Variants in CDKL4 observed in about 807,000 individuals in gnomAD.
The protein encoded by CDKL4 is cyclin dependent kinase like 4, also known as cyclin-dependent kinase-like 4.
A neutral mutation model predicts 42.0 loss-of-function variants in CDKL4; 44 were observed. That is an observed-to-expected ratio of 1.05 (90% confidence interval 0.82 to 1.35). CDKL4 has a LOEUF of 1.35. Among genes scored for constraint, CDKL4 ranks in the 40% most tolerant of loss-of-function variants. The probability of loss-of-function intolerance (pLI) is 0.00; values close to 1 mark genes in which losing one functional copy is unlikely to be tolerated. For missense variants in CDKL4, 393 were observed against 369.9 expected (o/e 1.06, Z -0.51); for synonymous variants, 120 against 121.6 (o/e 0.99, Z 0.09).
chr2:39,242,146 A>G (rs1022546329), intron 1 of CDKL4, among the ~76,000 whole-genome samples: 1 of 150,956 alleles, frequency 6.6e-6, no homozygotes, highest in Non-Finnish European at 1.5e-5. Flanking sequence ...GCTGGGCTTG[A>G]GCAATTCTCC....
At chr2:39,175,089 T>C (rs1411726995), downstream of CDKL4, among the ~76,000 whole-genome samples, 1 of 152,190 alleles carries the variant, frequency 6.6e-6, no homozygotes, top group African/African-American at 2.4e-5. Context: ...AAAGATAATC[T>C]TCCTGCTCTT....
chr2:39,244,480 C>G (rs1380121556), upstream of CDKL4, among the ~76,000 whole-genome samples: 1 of 152,236 alleles, frequency 6.6e-6, no homozygotes, highest in South Asian at 2.1e-4. Context: ...GCGCTGCGCT[C>G]GATTTCTCAC....
At chr2:39,182,683 T>A (rs1013320235) in intron 8 of CDKL4, among the ~76,000 whole-genome samples, 5 of 152,224 alleles carry the variant, frequency 3.3e-5, no homozygotes, top group African/African-American at 1.2e-4. Flanking sequence ...GAAAACGCTC[T>A]GATAAAATTT....
chr2:39,190,372 C>G lies in CDKL4; in HGVS notation c.585G>C (p.Leu195=), dbSNP rs1341102846. Reference sequence around the variant, plus strand: ...TTCCAGGCCACAGTGGCTGGCCTGTCAGGAGCTCTGCAAAAACACAACCAA... The same window carrying G: ...TTCCAGGCCACAGTGGCTGGCCTGTGAGGAGCTCTGCAAAAACACAACCAA... The change falls in exon 6 of 10, where the codon CTG becomes CTC. Residue 195 remains leucine, a synonymous_variant. Coordinates refer to ENST00000451199, the Ensembl canonical transcript of CDKL4. 5 of 1,614,178 alleles carry G rather than the reference C, an allele frequency of 3.1e-6. No homozygotes were observed. The East Asian group carries it at 8.9e-5, about 29-fold the overall frequency.
rs1210295781 is a variant in CDKL4 at position 39,184,573 on chromosome 2, T to C, written c.792+18A>G. 3.8e-6 allele frequency: 6 copies of C among 1,585,688 alleles called. No individual in the cohort carries two copies. Among genetic ancestry groups the C allele is most frequent in the Non-Finnish European group, 5.2e-6 (6 of 1,156,206 alleles). On this transcript the variant is annotated intron_variant, in intron 8 of 9. Transcript: ENST00000451199. ...TACAATTTATAGCTAATAAGAGTTA[T>C]AATTGATTCTTAAGTACCTTCATGA...
chr2:39,177,402 A>C (rs1675209625), intron 9 of CDKL4, among the ~76,000 whole-genome samples: 1 of 141,816 alleles, frequency 7.1e-6, no homozygotes, highest in Admixed American at 7.0e-5. Context: ...GAATCCAGTG[A>C]GTTTTTTTTT....
chr2:39,211,338 T>C (rs1677575352), intron 4 of CDKL4, among the ~76,000 whole-genome samples: 1 of 152,050 alleles, frequency 6.6e-6, no homozygotes, highest in South Asian at 2.1e-4. Flanking sequence ...AAGGGTGCTA[T>C]GATAACACCA....
intron 5 of CDKL4, among the ~76,000 whole-genome samples, chr2:39,194,990 T>G (rs1208119307): frequency 6.6e-6 from 1 of 152,154 alleles, no homozygotes; most frequent in African/African-American, 2.4e-5. Flanking sequence ...CCCCCAGCCC[T>G]GATAACCACT....
intron 9 of CDKL4, among the ~76,000 whole-genome samples, chr2:39,176,324 A>G (rs1054617606): frequency 3.9e-5 from 6 of 152,190 alleles, no homozygotes; most frequent in Non-Finnish European, 7.3e-5. Context: ...ACTACTATTT[A>G]TTTCAGTACA....
chr2:39,235,780 T>C (rs528923878), intron 1 of CDKL4, among the ~76,000 whole-genome samples: 7 of 151,504 alleles, frequency 4.6e-5, no homozygotes, highest in Admixed American at 6.6e-5. Context: ...ACAACCACAA[T>C]AACAAACACC....
Position 39,185,292 on chromosome 2 carries a change from A to G in CDKL4, c.736-645T>C, listed in dbSNP as rs979763528. Among the ~76,000 whole-genome samples, 9 of 27,516 alleles carry G rather than the reference A, an allele frequency of 3.3e-4. No homozygotes were observed. The East Asian group carries it at 5.8e-3, about 18-fold the overall frequency. 18.1% of individuals were successfully genotyped at this position (27,516 alleles called of 152,430 possible). A position where few individuals can be genotyped will look rare whatever the true frequency, so the allele number is the denominator to read the frequency against. On this transcript the variant is annotated intron_variant, in intron 7 of 9. Transcript: ENST00000451199. ...TATATATACACATATGTATATATAC[A>G]TATATATACACATATGTATATATAC...
At chr2:39,172,591 C>CT (rs941651442), downstream of CDKL4, among the ~76,000 whole-genome samples, 1 of 151,846 alleles carries the variant, frequency 6.6e-6, no homozygotes, top group African/African-American at 2.4e-5. Context: ...TCTTTTCTTT[C>CT]TTTTTTTTGA....
intron 3 of CDKL4, among the ~76,000 whole-genome samples, chr2:39,222,403 A>T (rs1678428279): frequency 6.6e-6 from 1 of 152,028 alleles, no homozygotes; most frequent in African/African-American, 2.4e-5. Flanking sequence ...CAGCCTGGCT[A>T]ACATGGCAAA....
chr2:39,168,708 CT>C, the CDKL4 span, among the ~76,000 whole-genome samples: 1,265 of 139,322 alleles, frequency 9.1e-3, 20 homozygotes, highest in African/African-American at 0.031. Flanking sequence ...GAAACTCCAT[CT>C]AAAAAAAAAA....
chr2:39,182,683 T>C (rs1013320235), intron 8 of CDKL4, among the ~76,000 whole-genome samples: 15 of 152,224 alleles, frequency 9.9e-5, no homozygotes, highest in Non-Finnish European at 2.1e-4. Context: ...GAAAACGCTC[T>C]GATAAAATTT....
chr2:39,205,298 T>TC (rs1677094539), intron 4 of CDKL4, among the ~76,000 whole-genome samples: 1 of 152,212 alleles, frequency 6.6e-6, no homozygotes, highest in Non-Finnish European at 1.5e-5. Flanking sequence ...AGATTAGACT[T>TC]AAGAGTACCT....
exon 2 of CDKL4, chr2:39,229,442 C>G: frequency 6.2e-7 from 1 of 1,613,378 alleles, no homozygotes; most frequent in Non-Finnish European, 8.5e-7. Flanking sequence ...TTTTTAACAG[C>G]TACTACTTGT....
At chr2:39,193,763 C>T (rs1322407388) in intron 5 of CDKL4, among the ~76,000 whole-genome samples, 1 of 152,192 alleles carries the variant, frequency 6.6e-6, no homozygotes, top group Non-Finnish European at 1.5e-5. Context: ...AAACATCACC[C>T]ATCACCCAGA....
intron 1 of CDKL4, among the ~76,000 whole-genome samples, chr2:39,233,163 G>C (rs1026821455): frequency 6.6e-6 from 1 of 152,032 alleles, no homozygotes; most frequent in Admixed American, 6.6e-5. Context: ...ATATGAGAGG[G>C]GTGAGATCTA....
Sources: allele counts gnomAD v4.1 joint callset (sites outside exome capture counted in the v4.1 genomes callset), GRCh38; gene constraint gnomAD v4.1.1; transcripts MANE v1.5; gene names NCBI Gene and HGNC (gene_info 2026-07-23, HGNC 2026-07-21).